TTC34: variants seen among roughly 807,000 people sequenced by gnomAD.
TTC34 encodes the protein tetratricopeptide repeat domain 34, also known as tetratricopeptide repeat protein 34.
A neutral mutation model predicts 40.7 loss-of-function variants in TTC34; 44 were observed. The observed-to-expected ratio is 1.08, with a 90% confidence interval of 0.85 to 1.39. The LOEUF is 1.39. Ranked by LOEUF, TTC34 falls within the 40% of genes most tolerant of loss-of-function variation. The pLI, the probability that TTC34 is intolerant of heterozygous loss-of-function variation, is 0.00. For missense variants in TTC34, 884 were observed against 838.0 expected (o/e 1.05, Z -0.68); for synonymous variants, 422 against 398.6 (o/e 1.06, Z -0.70).
At chr1:2,675,106 G>C (rs1570787393) in intron 6 of TTC34, among the ~76,000 whole-genome samples, 2 of 113,666 alleles carry the variant, frequency 1.8e-5, no homozygotes, top group Non-Finnish European at 4.0e-5. Context: ...TGACAGCCTG[G>C]AGCAGTGCCC....
At chr1:2,788,434 G>A (rs1643621027) in intron 3 of TTC34, among the ~76,000 whole-genome samples, 1 of 151,654 alleles carries the variant, frequency 6.6e-6, no homozygotes, top group African/African-American at 2.4e-5. Flanking sequence ...GCGTGTGTGT[G>A]TTGTGTGTGT....
chr1:2,794,330 C>T (rs12062827), intron 2 of TTC34, among the ~76,000 whole-genome samples: 4,586 of 152,230 alleles, frequency 0.03, 220 homozygotes, highest in African/African-American at 0.11. Context: ...TATTATCTTT[C>T]AATAAAGTTT....
chr1:2,767,708 T>A (rs1641814438), intron 6 of TTC34, among the ~76,000 whole-genome samples: 1 of 132,440 alleles, frequency 7.6e-6, no homozygotes, highest in South Asian at 2.9e-4. Flanking sequence ...TCTGACTACC[T>A]GGAACAGAAC....
At chr1:2,750,203 C>T (rs1641269319) in intron 6 of TTC34, among the ~76,000 whole-genome samples, 2 of 145,082 alleles carry the variant, frequency 1.4e-5, no homozygotes, top group Non-Finnish European at 3.0e-5. Flanking sequence ...GGCACCCACA[C>T]CCCCAGGTGC....
chr1:2,785,331 A>G (rs1237006805), intron 5 of TTC34, among the ~76,000 whole-genome samples: 3 of 98,772 alleles, frequency 3.0e-5, no homozygotes, highest in African/African-American at 1.3e-4. Context: ...CCTGGGAAAC[A>G]TCGCCTTCCC....
At chr1:2,764,351 A>T (rs1641730967) in intron 6 of TTC34, among the ~76,000 whole-genome samples, 1 of 142,642 alleles carries the variant, frequency 7.0e-6, no homozygotes, top group African/African-American at 2.6e-5. Flanking sequence ...CCCCCAAGTG[A>T]GCAGGTGACA....
At position 2,751,960 on chromosome 1, in the gene TTC34, G is replaced by C. The variant is rs1214009273; in HGVS notation, c.2226+31649C>G. Among the ~76,000 whole-genome samples, 14 of 116,226 alleles carry C rather than the reference G, an allele frequency of 1.2e-4. 2 individuals are homozygous for C. Among genetic ancestry groups the C allele is most frequent in the Non-Finnish European group, 2.4e-4 (14 of 58,698 alleles). 76.2% of individuals were successfully genotyped at this position (116,226 alleles called of 152,430 possible). A position where few individuals can be genotyped will look rare whatever the true frequency, so the allele number is the denominator to read the frequency against. ...GGTGAACATCGGAGAGTCTGGAGCAGCGCCCACACCCCCAGGCGAGCATTT... is the reference window on the plus strand; with the variant it reads ...GGTGAACATCGGAGAGTCTGGAGCACCGCCCACACCCCCAGGCGAGCATTT... On this transcript the variant is annotated intron_variant, in intron 6 of 8. Coordinates refer to ENST00000401095, the Ensembl canonical transcript of TTC34.
At chr1:2,778,149 G>A (rs1267138765) in intron 6 of TTC34, among the ~76,000 whole-genome samples, 1 of 152,248 alleles carries the variant, frequency 6.6e-6, no homozygotes, top group African/African-American at 2.4e-5. Flanking sequence ...GCAGCAGCAA[G>A]CATGGCCTCT....
chr1:2,760,532 T>G (rs1408912804), intron 6 of TTC34, among the ~76,000 whole-genome samples: 1 of 41,234 alleles, frequency 2.4e-5, no homozygotes, highest in Non-Finnish European at 3.6e-5. Flanking sequence ...CACCCCCAGG[T>G]GAGCATCTGA....
chr1:2,785,823 G>A (rs768048026), exon 5 of TTC34: 45 of 1,543,082 alleles, frequency 2.9e-5, no homozygotes, highest in Admixed American at 2.4e-4. Context: ...TCCTACCTGC[G>A]GCAAAGATGG....
At chr1:2,760,807 T>C (rs1228440052) in intron 6 of TTC34, among the ~76,000 whole-genome samples, 9 of 6,812 alleles carry the variant, frequency 1.3e-3, no homozygotes, top group East Asian at 5.9e-3. Flanking sequence ...CCCACACCCC[T>C]AGATGAGCAT....
intron 6 of TTC34, among the ~76,000 whole-genome samples, chr1:2,660,791 C>G (rs182140214): frequency 4.1e-5 from 1 of 24,282 alleles, no homozygotes; most frequent in African/African-American, 1.0e-4. Context: ...AGCACCCACA[C>G]CCCCAGGTGA....
chr1:2,785,717 T>G (rs1643576451), intron 5 of TTC34, 102 bp downstream of exon 5: 1 of 1,316,986 alleles, frequency 7.6e-7, no homozygotes, highest in Non-Finnish European at 1.0e-6. Context: ...CCCCTGCACC[T>G]GGGGAGCATG....
At chr1:2,694,853 T>G (rs1241187938) in intron 6 of TTC34, among the ~76,000 whole-genome samples, 1 of 23,216 alleles carries the variant, frequency 4.3e-5, no homozygotes, top group African/African-American at 1.3e-4. Flanking sequence ...CATCTGATGG[T>G]CTGGAGCAGC....
chr1:2,769,819 G>C (rs1300610833), intron 6 of TTC34, among the ~76,000 whole-genome samples: 3 of 97,948 alleles, frequency 3.1e-5, no homozygotes, highest in Admixed American at 1.0e-4. Context: ...ACAGCCTGGA[G>C]CAGGCGCCCA....
rs1639007401 is a variant in TTC34, at chr1:2,645,605, T to C, written c.2227-42A>G. 6 of 1,437,746 alleles carry C rather than the reference T, an allele frequency of 4.2e-6. No individual in the cohort carries two copies. The South Asian group carries it at 4.4e-5, about 11-fold the overall frequency. The allele number at this position is 1,437,746 out of a possible 1,614,324, so 89.1% of individuals were successfully genotyped here. A position where few individuals can be genotyped will look rare whatever the true frequency, so the allele number is the denominator to read the frequency against. On this transcript the variant is annotated intron_variant, in intron 6 of 8. Transcript: ENST00000401095. The surrounding 1 kb of genome is among the most constrained non-coding windows in gnomAD (Gnocchi z 4.7). ...CGGGCGGGTGCAGAGTTGTCCTAAG[T>C]AGAGAAACTGGGCAGAGGGTCAGAG...
chr1:2,759,608 A>C (rs1641624604), intron 6 of TTC34, among the ~76,000 whole-genome samples: 2 of 152,106 alleles, frequency 1.3e-5, no homozygotes, highest in African/African-American at 4.8e-5. Context: ...CCGCCAGGCG[A>C]GCATCCGCCA....
chr1:2,799,694 C>T (rs1203959098), intron 2 of TTC34, among the ~76,000 whole-genome samples: 1 of 152,176 alleles, frequency 6.6e-6, no homozygotes, highest in Non-Finnish European at 1.5e-5. Flanking sequence ...CTCCGACAGT[C>T]GCCCTGGCCC....
rs1222969737 is a variant in TTC34 at position 2,677,899 on chromosome 1, C to T, written c.2227-32336G>A. On this transcript the variant is annotated intron_variant, in intron 6 of 8. Transcript: ENST00000401095. ...CTGGAACCGCAGCCACACCCCCAGG[C>T]GAGCATCTGACAGCCTGGAGCAGCA... 3.1e-3 allele frequency among the ~76,000 whole-genome samples: 45 copies of T among 14,504 alleles called. 9 individuals are homozygous for T. Among genetic ancestry groups the T allele is most frequent in the East Asian group, 0.023 (1 of 44 alleles). 9.5% of individuals were successfully genotyped at this position (14,504 alleles called of 152,430 possible).
Sources: allele counts gnomAD v4.1 joint callset (sites outside exome capture counted in the v4.1 genomes callset), GRCh38; gene constraint gnomAD v4.1.1; non-coding constraint Gnocchi (gnomAD v3.1); transcripts MANE v1.5; gene names NCBI Gene and HGNC (gene_info 2026-07-23, HGNC 2026-07-21).